KALRN: variants seen among roughly 807,000 people sequenced by gnomAD.
KALRN encodes the protein kalirin RhoGEF kinase.
Under a neutral mutation model 353.7 loss-of-function variants are expected in KALRN, and 70 were observed. The ratio of observed to expected loss-of-function variants is 0.20; its 90% confidence interval spans 0.16 to 0.24. KALRN has a LOEUF of 0.24. KALRN is among the 10% of genes least tolerant of loss of function. KALRN has a pLI of 1.00. For synonymous variants in KALRN, 1,391 were observed against 1,434.8 expected (o/e 0.97, Z 0.69); for missense variants, 2,791 against 3,756.7 (o/e 0.74, Z 6.72).
chr3:124,155,636 A>G (rs1233661354), intron 1 of KALRN, among the ~76,000 whole-genome samples: 1 of 152,246 alleles, frequency 6.6e-6, no homozygotes, highest in Non-Finnish European at 1.5e-5. Flanking sequence ...CCATTAGAAG[A>G]TGGATATGGA....
chr3:124,426,865 A>G (rs1330577036), intron 15 of KALRN, among the ~76,000 whole-genome samples: 10 of 152,256 alleles, frequency 6.6e-5, no homozygotes, highest in Admixed American at 5.9e-4. Context: ...TAATGAGCAT[A>G]AAACTAAATG....
chr3:124,649,789 A>AG (rs1285093591), intron 37 of KALRN, among the ~76,000 whole-genome samples: 2 of 135,840 alleles, frequency 1.5e-5, no homozygotes, highest in Middle Eastern at 3.6e-3. Context: ...CCCTGTCTCA[A>AG]AATAGATAGA....
rs150573274 is a variant in KALRN at position 124,603,675 on chromosome 3, C to T, written c.5183-28745C>T. On this transcript the variant is annotated intron_variant, in intron 34 of 59. Transcript: ENST00000682506. The stretch of plus-strand genomic sequence containing the variant: ...TCTCTCCCCACAACTCTCCCACGAG[C>T]ATGGATATTAAAAATGTGTGTCCTT... Among the ~76,000 whole-genome samples the T allele has an allele frequency of 4.4e-3, 663 of 152,192 alleles. 8 individuals carry two copies. The highest frequency in any genetic ancestry group is 0.01 in the Middle Eastern group (3 of 292).
chr3:124,397,639 A>G (rs916267448), intron 12 of KALRN, among the ~76,000 whole-genome samples: 7 of 152,184 alleles, frequency 4.6e-5, no homozygotes, highest in East Asian at 1.9e-4. Context: ...TCATTTTCCC[A>G]TTATAGTTAT....
Position 124,347,280 on chromosome 3 carries a change from GT to G in KALRN, c.1770+16del. On this transcript the variant is annotated intron_variant, in intron 10 of 59. Coordinates refer to ENST00000682506, the MANE Select transcript of KALRN (RefSeq NM_001388419.1). ...AGGTGGCTCAGGTGAGAAGCTGTGT[GT>G]GTGTGTGTGTGTGTGTGTGTGTGTG... 1.3e-6 allele frequency: 1 copy of G among 799,566 alleles called. No individual in the cohort carries two copies. The highest frequency in any genetic ancestry group is 1.8e-6 in the Non-Finnish European group (1 of 564,570). The allele number at this position is 799,566 out of a possible 1,614,324, so 49.5% of individuals were successfully genotyped here.
At chr3:124,690,047 C>A (rs1260210192) in intron 51 of KALRN, among the ~76,000 whole-genome samples, 1 of 152,138 alleles carries the variant, frequency 6.6e-6, no homozygotes, top group Admixed American at 6.5e-5. Flanking sequence ...TTTCTCAGCT[C>A]TCCTCCCCAA....
chr3:124,541,469 T>TAA (rs201684869), intron 33 of KALRN, among the ~76,000 whole-genome samples: 1 of 148,268 alleles, frequency 6.7e-6, no homozygotes, highest in East Asian at 2.0e-4. Flanking sequence ...AAATTAAAAT[T>TAA]AAAAAAAAAA....
At chr3:124,149,166 G>A (rs886436937) in intron 1 of KALRN, among the ~76,000 whole-genome samples, 2 of 152,272 alleles carry the variant, frequency 1.3e-5, no homozygotes, top group African/African-American at 4.8e-5. Context: ...TACTATTGGC[G>A]GCATGCAACC....
chr3:124,695,228 C>A (rs1023732157), intron 53 of KALRN, among the ~76,000 whole-genome samples: 1 of 149,372 alleles, frequency 6.7e-6, no homozygotes, highest in Non-Finnish European at 1.5e-5. Context: ...GCCTCCCAAT[C>A]ATTGTGTCAG....
At chr3:124,277,108 A>G (rs946950347) in intron 5 of KALRN, among the ~76,000 whole-genome samples, 14 of 152,176 alleles carry the variant, frequency 9.2e-5, no homozygotes, top group Non-Finnish European at 5.9e-5. Context: ...GTCACTTGAC[A>G]TGTGTCCTCA....
chr3:124,522,799 A>T (rs2067271249), intron 33 of KALRN, among the ~76,000 whole-genome samples: 2 of 152,240 alleles, frequency 1.3e-5, no homozygotes, highest in African/African-American at 4.8e-5. Flanking sequence ...TGCCTGAGAA[A>T]TGAGGCATCC....
At chr3:124,494,338 T>TCCTAGGTGGCCTCC (rs1418747563) in intron 32 of KALRN, among the ~76,000 whole-genome samples, 12 of 152,294 alleles carry the variant, frequency 7.9e-5, no homozygotes, top group Middle Eastern at 3.4e-3. Flanking sequence ...CTACCCACAG[T>TCCTAGGTGGCCTCC]CCTAGGTGGC....
intron 33 of KALRN, among the ~76,000 whole-genome samples, chr3:124,538,916 A>G (rs1577819471): frequency 6.6e-6 from 1 of 152,238 alleles, no homozygotes; most frequent in South Asian, 2.1e-4. Flanking sequence ...TGGCTTGCCC[A>G]AGATCACTGT....
chr3:124,633,788 T>TCAAG, intron 35 of KALRN, 64 bp from the exon 36 acceptor site: 2 of 1,411,390 alleles, frequency 1.4e-6, no homozygotes, highest in East Asian at 4.8e-5. Flanking sequence ...TTTGTTAATG[T>TCAAG]CAAGTCCAGA....
chr3:124,175,368 CGG>C (rs2072532657), intron 1 of KALRN, among the ~76,000 whole-genome samples: 1 of 135,384 alleles, frequency 7.4e-6, no homozygotes, highest in African/African-American at 2.9e-5. Flanking sequence ...CTCCAGGATG[CGG>C]AGATGTGCGC....
chr3:124,642,814 T>TTTGTTGTTGTTTTTTTTTTTTTTG (rs1559750137), intron 37 of KALRN, among the ~76,000 whole-genome samples: 2 of 102,208 alleles, frequency 2.0e-5, no homozygotes, highest in African/African-American at 3.1e-5. Flanking sequence ...TCGTTTTTTT[T>TTTGTTGTTGTTTTTTTTTTTTTTG]TTTTTTTTTT....
At chr3:124,090,791 C>G (rs1433526739) in intron 1 of KALRN, among the ~76,000 whole-genome samples, 5 of 152,170 alleles carry the variant, frequency 3.3e-5, no homozygotes, top group African/African-American at 1.2e-4. Flanking sequence ...AAAATGCAGG[C>G]CTCTGGGAGT....
intron 10 of KALRN, among the ~76,000 whole-genome samples, chr3:124,372,326 A>G (rs1469833344): frequency 1.3e-5 from 2 of 152,182 alleles, no homozygotes; most frequent in Admixed American, 6.5e-5. Context: ...ATTTATCTCT[A>G]TCACTGAGAC....
chr3:124,150,241 G>A (rs754740332), intron 1 of KALRN, among the ~76,000 whole-genome samples: 11 of 152,114 alleles, frequency 7.2e-5, no homozygotes, highest in Non-Finnish European at 1.3e-4. Flanking sequence ...TGCCCTAAAA[G>A]CTTCCAATGA....
Sources: allele counts gnomAD v4.1 joint callset (sites outside exome capture counted in the v4.1 genomes callset), GRCh38; gene constraint gnomAD v4.1.1; transcripts MANE v1.5; gene names NCBI Gene and HGNC (gene_info 2026-07-23, HGNC 2026-07-21).